Variants in CEP135 observed in about 807,000 individuals in gnomAD.
CEP135 encodes centrosomal protein of 135 kDa.
In CEP135, 142 loss-of-function variants were observed where a neutral mutation model predicts 157.3. The ratio of observed to expected loss-of-function variants is 0.90; its 90% confidence interval spans 0.79 to 1.04. The LOEUF (loss-of-function observed/expected upper bound fraction) is 1.04, where lower values mean the gene tolerates loss of function less well. CEP135 is among the 50% of genes least tolerant of loss of function. The pLI is 0.00. For missense variants in CEP135, 1,317 were observed against 1,309.2 expected (o/e 1.01, Z -0.09); for synonymous variants, 396 against 439.8 (o/e 0.90, Z 1.25).
intron 23 of CEP135, 85 bp downstream of exon 23, chr4:56,019,640 G>A (rs896858252): frequency 8.9e-7 from 1 of 1,128,604 alleles, no homozygotes; most frequent in East Asian, 2.5e-5. Flanking sequence ...GAAAGGTTAA[G>A]AGTATGAAAG....
Position 56,017,634 on chromosome 4 carries a change from T to C in CEP135, c.2803-14T>C. The C allele has an allele frequency of 6.4e-7, 1 of 1,555,142 alleles. No homozygotes were observed. The highest frequency in any genetic ancestry group is 2.0e-5 in the Admixed American group (1 of 48,812). On this transcript the variant is annotated splice_polypyrimidine_tract_variant and intron_variant, in intron 21 of 25. Transcript: ENST00000257287. Reference sequence around the variant, plus strand: ...TTATTTTAACTTTTTACTTGTTTCTTTTTCTTTTTTCAGCACATAAATGCC... The same window carrying C: ...TTATTTTAACTTTTTACTTGTTTCTCTTTCTTTTTTCAGCACATAAATGCC...
At chr4:55,957,479 A>G in intron 5 of CEP135, 115 bp downstream of exon 5, 1 of 872,684 alleles carries the variant, frequency 1.1e-6, no homozygotes. Flanking sequence ...TGTCTAGCAC[A>G]GAACTTTGCA....
intron 15 of CEP135, among the ~76,000 whole-genome samples, chr4:55,995,117 G>A (rs1413138699): frequency 2.6e-5 from 4 of 152,150 alleles, no homozygotes; most frequent in Non-Finnish European, 1.5e-5. Context: ...TTTAATTACA[G>A]CATTTAATGA....
chr4:55,965,079 G>A (rs1728801567), intron 7 of CEP135: 1 of 152,034 alleles, frequency 6.6e-6, no homozygotes. Context: ...AATATGATAT[G>A]AGCCATATAT....
chr4:55,994,044 A>G (rs529043021), intron 15 of CEP135, among the ~76,000 whole-genome samples: 7 of 152,348 alleles, frequency 4.6e-5, no homozygotes, highest in Admixed American at 1.3e-4. Context: ...CATATTCTCC[A>G]TATCAGTAAG....
intron 9 of CEP135, 97 bp from the exon 10 acceptor site, chr4:55,971,173 T>C: frequency 1.2e-6 from 1 of 846,380 alleles, no homozygotes; most frequent in African/African-American, 1.8e-5. Flanking sequence ...TATATGTAAA[T>C]TGCTGTTATA....
At chr4:56,030,074 C>T (rs1731290743) in intron 25 of CEP135, among the ~76,000 whole-genome samples, 1 of 152,104 alleles carries the variant, frequency 6.6e-6, no homozygotes, top group Non-Finnish European at 1.5e-5. Context: ...ATGACACAAA[C>T]ACACACATTA....
chr4:56,024,395 C>T, intron 24 of CEP135, 106 bp from the exon 25 acceptor site: 2 of 695,832 alleles, frequency 2.9e-6, no homozygotes, highest in Non-Finnish European at 4.9e-6. Context: ...AATAGTAATA[C>T]TAAGTAATTT....
chr4:55,978,067 C>T (rs988833267), intron 11 of CEP135, among the ~76,000 whole-genome samples: 6 of 152,054 alleles, frequency 3.9e-5, no homozygotes, highest in East Asian at 1.9e-4. Flanking sequence ...AGTGAAAGGG[C>T]GTTATTCACA....
At position 56,011,535 on chromosome 4, in the gene CEP135, A is replaced by G; in HGVS notation, c.2616+13A>G. The G allele has an allele frequency of 6.5e-7, 1 of 1,541,072 alleles. No individual in the cohort carries two copies. Among genetic ancestry groups the G allele is most frequent in the Non-Finnish European group, 8.9e-7 (1 of 1,127,614 alleles). ...AATGGCTGCCAAGGTGAAAAATATT[A>G]TTTAGGTTGGATTTAAGACTGAGGT... On this transcript the variant is annotated intron_variant, in intron 20 of 25. Coordinates refer to ENST00000257287, the MANE Select transcript of CEP135 (RefSeq NM_025009.5).
At chr4:55,975,367 C>T (rs1729166890) in intron 11 of CEP135, among the ~76,000 whole-genome samples, 2 of 152,162 alleles carry the variant, frequency 1.3e-5, no homozygotes. Flanking sequence ...CAGCCTTGGA[C>T]CAGTTAGGAA....
chr4:55,983,293 T>C (rs1729471480), intron 13 of CEP135, among the ~76,000 whole-genome samples: 1 of 152,218 alleles, frequency 6.6e-6, no homozygotes, highest in Non-Finnish European at 1.5e-5. Flanking sequence ...ACTGAAAACT[T>C]GGAAAAAGCA....
chr4:56,024,575 C>T lies in CEP135; in HGVS notation c.3395C>T (p.Ser1132Leu). The T allele has an allele frequency of 6.2e-7, 1 of 1,613,350 alleles. No individual in the cohort carries two copies. The highest frequency in any genetic ancestry group is 8.5e-7 in the Non-Finnish European group (1 of 1,179,372). Reference protein sequence around the residue: ...PPLSSTLRSPSHSPEHRNV With the variant: ...PPLSSTLRSPLHSPEHRNV ...CTTAGTTCCACTCTGAGGTCTCCTT[C>T]ACATTCTCCTGAACATAGAAATGTG... Residue 1132 changes from serine to leucine, a missense_variant, in exon 25 of 26, where the codon TCA (serine) becomes TTA (leucine). Transcript: ENST00000257287.
chr4:55,972,760 G>A (rs1294343747), intron 10 of CEP135, among the ~76,000 whole-genome samples: 2 of 152,294 alleles, frequency 1.3e-5, no homozygotes, highest in African/African-American at 4.8e-5. Flanking sequence ...GGCTGGGTGC[G>A]GTGGCTCACG....
chr4:55,965,656 C>A lies in CEP135; in HGVS notation c.841C>A (p.Gln281Lys). The A allele has an allele frequency of 6.2e-7, 1 of 1,603,756 alleles. No individual in the cohort carries two copies. Among genetic ancestry groups the A allele is most frequent in the South Asian group, 1.1e-5 (1 of 87,972 alleles). ...AACTCCAATTTAGGTTGACTTTCTTCAGCAAGCTAATAAAGACCTGGAGAA... is the reference window on the plus strand; with the variant it reads ...AACTCCAATTTAGGTTGACTTTCTTAAGCAAGCTAATAAAGACCTGGAGAA... ...AHLNIQVDFLQQANKDLEKRI... is the reference protein window; with the variant it reads ...AHLNIQVDFLKQANKDLEKRI... The change falls in exon 8 of 26, where the codon CAG (glutamine) becomes AAG (lysine). Residue 281 changes from glutamine to lysine, a missense_variant. Coordinates refer to ENST00000257287, the MANE Select transcript of CEP135 (RefSeq NM_025009.5).
chr4:55,974,910 T>A lies in CEP135; in HGVS notation c.1414T>A (p.Ser472Thr). 1 of 1,613,198 alleles carries A rather than the reference T, an allele frequency of 6.2e-7. No homozygotes were observed. Among genetic ancestry groups the A allele is most frequent in the East Asian group, 2.2e-5 (1 of 44,820 alleles). The stretch of plus-strand genomic sequence containing the variant: ...ACTCCAACATATAATACAGCGAAGA[T>A]CTTGCTCTACAAGTTATAGCGCACG... ...ERLQHIIQRR[S>T]CSTSYSAREK... is the part of the protein sequence containing the mutation. The change falls in exon 11 of 26, where the codon TCT (serine) becomes ACT (threonine). Residue 472 changes from serine (S) to threonine (T), a missense_variant. By Grantham distance (58) the Ser-to-Thr change is moderately conservative. Coordinates refer to ENST00000257287, the MANE Select transcript of CEP135 (RefSeq NM_025009.5).
intron 14 of CEP135, among the ~76,000 whole-genome samples, chr4:55,985,728 T>G (rs982430118): frequency 1.3e-5 from 2 of 152,194 alleles, no homozygotes; most frequent in African/African-American, 4.8e-5. Flanking sequence ...CCCAAAGTGC[T>G]GGGATTACAG....
chr4:55,971,559 C>G, intron 10 of CEP135, 151 bp downstream of exon 10: 1 of 730,786 alleles, frequency 1.4e-6, no homozygotes, highest in Non-Finnish European at 2.1e-6. Context: ...ACTGTAGATA[C>G]AGTAGAAATC....
At chr4:55,983,715 G>C (rs368373259) in intron 13 of CEP135, among the ~76,000 whole-genome samples, 1 of 151,866 alleles carries the variant, frequency 6.6e-6, no homozygotes, top group Non-Finnish European at 1.5e-5. Context: ...TAGAGACAGG[G>C]TTTCATCATA....
Sources: gnomAD v4.1 joint callset for allele counts (sites outside exome capture counted in the v4.1 genomes callset) on GRCh38, gnomAD v4.1.1 for gene constraint, MANE v1.5 for transcripts, NCBI Gene and HGNC (gene_info 2026-07-23, HGNC 2026-07-21) for gene names.